The following ST3GAL3 variants were observed in gnomAD, a reference collection of about 807,000 sequenced individuals.
ST3GAL3 encodes CMP-N-acetylneuraminate-beta-1,4-galactoside alpha-2,3-sialyltransferase.
ST3GAL3 carries 21 observed loss-of-function variants against 50.1 expected under a neutral mutation model. The ratio of observed to expected loss-of-function variants is 0.42; its 90% CI spans 0.30 to 0.60. The LOEUF is 0.60. ST3GAL3 is among the 20% of genes least tolerant of loss of function. The pLI is 0.19. For missense variants in ST3GAL3, 353 were observed against 489.4 expected (o/e 0.72, Z 2.63); for synonymous variants, 183 against 190.0 (o/e 0.96, Z 0.30).
chr1:43,741,796 A>C lies in ST3GAL3; in HGVS notation c.118+5416A>C, dbSNP rs555377815. 7.2e-5 allele frequency among the ~76,000 whole-genome samples: 11 copies of C among 152,324 alleles called. No individual in the cohort carries two copies. In the East Asian group the frequency reaches 1.9e-3, roughly 27 times the overall value. On this transcript the variant is annotated intron_variant, in intron 2 of 11. Coordinates refer to ENST00000347631, the MANE Select transcript of ST3GAL3 (RefSeq NM_006279.5). ...CAGGCAGCGTAAAATTTCAGTTCCTAAGAGAAGGAAAACTCGAGGTGAGCG... is the reference window on the plus strand; with the variant it reads ...CAGGCAGCGTAAAATTTCAGTTCCTCAGAGAAGGAAAACTCGAGGTGAGCG...
intron 2 of ST3GAL3, among the ~76,000 whole-genome samples, chr1:43,745,344 T>G (rs1250982070): frequency 6.6e-6 from 1 of 151,996 alleles, no homozygotes; most frequent in Non-Finnish European, 1.5e-5. Context: ...AAAAAAGAAG[T>G]AAGTGGGAAA....
intron 5 of ST3GAL3, among the ~76,000 whole-genome samples, chr1:43,882,051 C>T (rs1385574217): frequency 1.3e-5 from 2 of 152,146 alleles, no homozygotes; most frequent in African/African-American, 4.8e-5. Context: ...ACACAGCCTG[C>T]GGGGGAACTG....
chr1:43,793,269 T>C lies in ST3GAL3; in HGVS notation c.166+1120T>C, dbSNP rs192158639. ...TGGGTACATAGTGGGTGTATATATT[T>C]ATAGGGTACATGAGATGTTTTGATA... On this transcript the variant is annotated intron_variant, in intron 3 of 11. Transcript: ENST00000347631. Among the ~76,000 whole-genome samples, 228 of 152,270 alleles carry C rather than the reference T, an allele frequency of 1.5e-3. 1 individual carries two copies. Among genetic ancestry groups the C allele is most frequent in the Non-Finnish European group, 2.7e-3 (181 of 68,012 alleles).
chr1:43,718,079 A>G (rs967523261), intron 1 of ST3GAL3, among the ~76,000 whole-genome samples: 1 of 148,866 alleles, frequency 6.7e-6, no homozygotes, highest in African/African-American at 2.5e-5. Context: ...CTCCATGTTG[A>G]TCAGGCTGGT....
At chr1:43,887,391 G>A (rs2076133917) in intron 5 of ST3GAL3, among the ~76,000 whole-genome samples, 1 of 152,248 alleles carries the variant, frequency 6.6e-6, no homozygotes, top group South Asian at 2.1e-4. Flanking sequence ...ATCTAGCCAA[G>A]AGAGATAATA....
At chr1:43,907,171 C>T (rs1295745969) in intron 9 of ST3GAL3, among the ~76,000 whole-genome samples, 2 of 152,192 alleles carry the variant, frequency 1.3e-5, no homozygotes, top group Non-Finnish European at 1.5e-5. Flanking sequence ...GCAGTAGAGC[C>T]GCATTTTGGA....
intron 2 of ST3GAL3, among the ~76,000 whole-genome samples, chr1:43,782,198 C>T (rs1311495058): frequency 6.6e-6 from 1 of 152,186 alleles, no homozygotes; most frequent in African/African-American, 2.4e-5. Flanking sequence ...AATATTTCTA[C>T]TCCCTTGTAT....
chr1:43,805,691 A>G (rs2059792679), intron 3 of ST3GAL3, among the ~76,000 whole-genome samples: 1 of 152,210 alleles, frequency 6.6e-6, no homozygotes, highest in Non-Finnish European at 1.5e-5. Context: ...GCACAGGAGC[A>G]TTTGAAGGGT....
rs56052310 is a variant in ST3GAL3, at chr1:43,918,119, C to CTCTTTTTTTTTTTTT, written c.745-2284_745-2283insCTTTTTTTTTTTTTT. Among the ~76,000 whole-genome samples, 2 of 133,904 alleles carry CTCTTTTTTTTTTTTT rather than the reference C, an allele frequency of 1.5e-5. 1 individual carries two copies. The highest frequency in any genetic ancestry group is 3.1e-5 in the Non-Finnish European group (2 of 65,160). The allele number at this position is 133,904 out of a possible 152,430, so 87.8% of individuals were successfully genotyped here. ...TAGACATCTAAATTTTTTTCTTTCT[C>CTCTTTTTTTTTTTTT]TTTTTTTTTTTTTTTAAGAGAGGGT... On this transcript the variant is annotated intron_variant, in intron 9 of 11. Transcript: ENST00000347631.
intron 4 of ST3GAL3, among the ~76,000 whole-genome samples, chr1:43,831,389 T>C (rs1474869486): frequency 2.0e-5 from 3 of 152,228 alleles, no homozygotes; most frequent in African/African-American, 7.2e-5. Context: ...ACTAAGGATT[T>C]AGAACAATGG....
intron 2 of ST3GAL3, among the ~76,000 whole-genome samples, chr1:43,765,796 C>CGT (rs1692599959): frequency 1.4e-5 from 2 of 145,810 alleles, no homozygotes; most frequent in Non-Finnish European, 3.0e-5. Context: ...CGCGCGCGCG[C>CGT]GCGCGTCCGC....
At chr1:43,762,681 A>G (rs575930760) in intron 2 of ST3GAL3, among the ~76,000 whole-genome samples, 4 of 152,312 alleles carry the variant, frequency 2.6e-5, no homozygotes, top group African/African-American at 9.6e-5. Flanking sequence ...ATAAGCATAT[A>G]TATTATATAT....
chr1:43,777,441 T>C (rs1697705491), intron 2 of ST3GAL3, among the ~76,000 whole-genome samples: 1 of 152,114 alleles, frequency 6.6e-6, no homozygotes, highest in Admixed American at 6.5e-5. Context: ...CATAGACCAA[T>C]GGAACACAAT....
At chr1:43,882,977 TTA>T (rs1213663097) in intron 5 of ST3GAL3, among the ~76,000 whole-genome samples, 9,509 of 136,064 alleles carry the variant, frequency 0.07, 1,046 homozygotes, top group African/African-American at 0.22. Flanking sequence ...ATTTATTTAT[TTA>T]GAGACAGGCT....
At chr1:43,920,076 G>A in intron 9 of ST3GAL3, 1 of 398,590 alleles carries the variant, frequency 2.5e-6, no homozygotes, top group East Asian at 5.9e-5. Flanking sequence ...GCACTGCTGG[G>A]TCTTCTTATT....
chr1:43,809,359 G>A (rs775300419), intron 3 of ST3GAL3, among the ~76,000 whole-genome samples: 3 of 152,006 alleles, frequency 2.0e-5, no homozygotes, highest in Non-Finnish European at 4.4e-5. Flanking sequence ...CACTGTAGAA[G>A]AAAAAAATAG....
At chr1:43,897,261 T>A (rs1226674808) in intron 6 of ST3GAL3, among the ~76,000 whole-genome samples, 1 of 152,220 alleles carries the variant, frequency 6.6e-6, no homozygotes, top group East Asian at 1.9e-4. Context: ...CGTGGTTATT[T>A]GATGTTATTA....
chr1:43,771,396 C>T (rs1368929802), intron 2 of ST3GAL3, among the ~76,000 whole-genome samples: 3 of 150,660 alleles, frequency 2.0e-5, no homozygotes, highest in Non-Finnish European at 2.9e-5. Flanking sequence ...GTCTCGCTGT[C>T]GCCCAGGCTG....
At chr1:43,892,345 C>T (rs1027597037) in intron 5 of ST3GAL3, among the ~76,000 whole-genome samples, 1 of 152,130 alleles carries the variant, frequency 6.6e-6, no homozygotes, top group Non-Finnish European at 1.5e-5. Flanking sequence ...GCAGCCTCAA[C>T]CCCCCGAGCT....
Sources: gnomAD v4.1 joint callset for allele counts (sites outside exome capture counted in the v4.1 genomes callset) on GRCh38, gnomAD v4.1.1 for gene constraint, MANE v1.5 for transcripts, NCBI Gene and HGNC (gene_info 2026-07-23, HGNC 2026-07-21) for gene names.